The following FBXL20 variants were observed in gnomAD, a reference collection of about 807,000 sequenced individuals.
The protein encoded by FBXL20 is F-box and leucine rich repeat protein 20, also known as F-box/LRR-repeat protein 20.
A neutral mutation model predicts 64.0 loss-of-function variants in FBXL20; 11 were observed. The observed-to-expected ratio is 0.17, with a 90% confidence interval of 0.11 to 0.28. The LOEUF (loss-of-function observed/expected upper bound fraction) is 0.28, where lower values mean the gene tolerates loss of function less well. FBXL20 is among the 10% of genes least tolerant of loss of function. The pLI is 1.00. For synonymous variants in FBXL20, 184 were observed against 189.0 expected, an observed-to-expected ratio of 0.97 and a Z score of 0.22; for missense variants, 303 against 526.2, an observed-to-expected ratio of 0.58 and a Z score of 4.15.
At chr17:39,397,220 T>C (rs946163530) in intron 1 of FBXL20, among the ~76,000 whole-genome samples, 2 of 152,084 alleles carry the variant, frequency 1.3e-5, no homozygotes, top group African/African-American at 4.8e-5. Flanking sequence ...TTTTGTTACT[T>C]TGGATAAAAT....
chr17:39,298,458 CCCGT>C (rs2047106002), intron 5 of FBXL20, among the ~76,000 whole-genome samples: 1 of 152,128 alleles, frequency 6.6e-6, no homozygotes, highest in Non-Finnish European at 1.5e-5. Flanking sequence ...GTGGCTCATG[CCCGT>C]AATTCCAGCA....
chr17:39,371,613 A>G (rs2144636362), intron 1 of FBXL20, among the ~76,000 whole-genome samples: 1 of 151,664 alleles, frequency 6.6e-6, no homozygotes, highest in Admixed American at 6.6e-5. Context: ...TCTCATATTC[A>G]ATTCCTCCAA....
chr17:39,257,462 T>C lies in FBXL20; in HGVS notation c.*3998A>G, dbSNP rs2046705755. On this transcript the variant is annotated 3_prime_UTR_variant, in exon 15 of 15. Transcript: ENST00000264658. ...ATGAATGTGGAAATCAGACTAGAAATTTGCAAAAGCTACTTAAGGAATACT... is the reference window on the plus strand; with the variant it reads ...ATGAATGTGGAAATCAGACTAGAAACTTGCAAAAGCTACTTAAGGAATACT... 6.6e-6 allele frequency: 1 copy of C among 152,102 alleles called. No individual in the cohort carries two copies. The highest frequency in any genetic ancestry group is 2.1e-4 in the South Asian group (1 of 4,822). The allele number at this position is 152,102 out of a possible 1,614,324, so 9.4% of individuals were successfully genotyped here. A position where few individuals can be genotyped will look rare whatever the true frequency, so the allele number is the denominator to read the frequency against.
At chr17:39,329,834 C>T (rs184848221) in intron 2 of FBXL20, among the ~76,000 whole-genome samples, 96 of 151,778 alleles carry the variant, frequency 6.3e-4, no homozygotes, top group Non-Finnish European at 1.3e-3. Context: ...CTTGTTTCTA[C>T]GAAAAAAAAT....
At chr17:39,395,022 T>G (rs559840393) in intron 1 of FBXL20, among the ~76,000 whole-genome samples, 270 of 152,274 alleles carry the variant, frequency 1.8e-3, no homozygotes, top group Non-Finnish European at 3.0e-3. Context: ...CAGACAACTT[T>G]GGGAATGAAA....
chr17:39,332,211 C>T (rs941340529), intron 2 of FBXL20, among the ~76,000 whole-genome samples: 17 of 152,300 alleles, frequency 1.1e-4, no homozygotes, highest in Middle Eastern at 3.4e-3. Flanking sequence ...ACATTGTGTG[C>T]GAGCTTCTCT....
intron 7 of FBXL20, among the ~76,000 whole-genome samples, chr17:39,285,186 G>A (rs990328711): frequency 6.6e-6 from 1 of 152,148 alleles, no homozygotes; most frequent in Non-Finnish European, 1.5e-5. Context: ...TTACAGGCGT[G>A]AGTCTTCATG....
At chr17:39,362,246 C>T (rs11869323) in intron 1 of FBXL20, among the ~76,000 whole-genome samples, 56,319 of 151,702 alleles carry the variant, frequency 0.37, 13,175 homozygotes, top group African/African-American at 0.66. Context: ...TGAGCCAAGA[C>T]TGCCCCACTG....
intron 2 of FBXL20, among the ~76,000 whole-genome samples, chr17:39,330,154 G>A (rs529060457): frequency 2.6e-5 from 4 of 150,944 alleles, no homozygotes; most frequent in East Asian, 2.0e-4. Context: ...AATATTAGCC[G>A]GGCATGATGG....
intron 1 of FBXL20, among the ~76,000 whole-genome samples, chr17:39,346,764 A>T (rs1023471601): frequency 6.6e-6 from 1 of 151,940 alleles, no homozygotes; most frequent in African/African-American, 2.4e-5. Flanking sequence ...ACATATGTAT[A>T]CATGTGCCAT....
intron 9 of FBXL20, among the ~76,000 whole-genome samples, chr17:39,277,488 G>A (rs2046909181): frequency 6.6e-6 from 1 of 152,124 alleles, no homozygotes; most frequent in Non-Finnish European, 1.5e-5. Flanking sequence ...CAGGCACGGT[G>A]GCTCGCGTCT....
intron 2 of FBXL20, among the ~76,000 whole-genome samples, chr17:39,334,117 C>A (rs1297614503): frequency 6.6e-6 from 1 of 152,198 alleles, no homozygotes; most frequent in Admixed American, 6.5e-5. Flanking sequence ...CCATTTTGTT[C>A]TGTACTAAGA....
At chr17:39,356,198 G>A (rs1364299880) in intron 1 of FBXL20, among the ~76,000 whole-genome samples, 2 of 131,450 alleles carry the variant, frequency 1.5e-5, no homozygotes, top group African/African-American at 3.0e-5. Context: ...CTAGGCGACA[G>A]AGCGAGACTC....
At chr17:39,390,934 C>G (rs1207132105) in intron 1 of FBXL20, among the ~76,000 whole-genome samples, 2 of 152,008 alleles carry the variant, frequency 1.3e-5, no homozygotes, top group Admixed American at 1.3e-4. Flanking sequence ...GTAATCCCAG[C>G]TACTTGGGAA....
rs118162807 is a variant in FBXL20 at position 39,318,298 on chromosome 17, G to A, written c.105-14659C>T. Among the ~76,000 whole-genome samples the A allele has an allele frequency of 4.1e-3, 618 of 152,248 alleles. 5 individuals carry two copies. Among genetic ancestry groups the A allele is most frequent in the Non-Finnish European group, 4.4e-3 (300 of 68,020 alleles). On this transcript the variant is annotated intron_variant, in intron 2 of 14. Coordinates refer to ENST00000264658, the MANE Select transcript of FBXL20 (RefSeq NM_032875.3). ...AGTATGCCTAAAGAATGAGAAGCTG[G>A]TCTGCATCTTTGATAGGATGTGGTA... is the stretch of plus-strand genomic sequence containing the variant.
At chr17:39,358,681 C>CA (rs1261525513) in intron 1 of FBXL20, among the ~76,000 whole-genome samples, 64 of 143,878 alleles carry the variant, frequency 4.4e-4, no homozygotes, top group East Asian at 1.3e-3. Flanking sequence ...GACTCTGTCT[C>CA]AAAAAAAAAC....
rs2046959158 is a variant in FBXL20 at position 39,282,764 on chromosome 17, C to A, written c.586G>T (p.Gly196Cys). ...CCTTTTAAGAATAAGGCCTTGAGAC[C>A]CCCACAGCCCCTCACTAGTGCTTGA... ...GIQALVRGCG[G>C]LKALFLKGCT... The change falls in exon 8 of 15, where the codon GGT (glycine) becomes TGT (cysteine). Residue 196 changes from glycine to cysteine, a missense_variant. Gly to Cys is a radical substitution (Grantham distance 159). This residue lies in a region of FBXL20 where 246 missense variants were observed against 422.6 expected (regional missense o/e 0.58). Coordinates refer to ENST00000264658, the MANE Select transcript of FBXL20 (RefSeq NM_032875.3). 2 of 1,614,046 alleles carry A rather than the reference C, an allele frequency of 1.2e-6. No individual in the cohort carries two copies. Among genetic ancestry groups the A allele is most frequent in the Non-Finnish European group, 1.7e-6 (2 of 1,180,020 alleles).
At chr17:39,394,499 G>A (rs1001948953) in intron 1 of FBXL20, among the ~76,000 whole-genome samples, 4 of 151,072 alleles carry the variant, frequency 2.6e-5, no homozygotes, top group Non-Finnish European at 4.4e-5. Flanking sequence ...GGATGGTCTC[G>A]ATCTCCTGAC....
chr17:39,272,742 G>T (rs1347338798), intron 10 of FBXL20, among the ~76,000 whole-genome samples: 1 of 142,030 alleles, frequency 7.0e-6, no homozygotes. Flanking sequence ...AAGAAAGAAA[G>T]AAAAAGAAAG....
Sources: gnomAD v4.1 joint callset for allele counts (sites outside exome capture counted in the v4.1 genomes callset) on GRCh38, gnomAD v4.1.1 for gene constraint, gnomAD v4.1.1 regional missense constraint, MANE v1.5 for transcripts, NCBI Gene and HGNC (gene_info 2026-07-23, HGNC 2026-07-21) for gene names.